TXLNA: variants seen among roughly 807,000 people sequenced by gnomAD.
The protein encoded by TXLNA is taxilin alpha, also known as alpha-taxilin.
In TXLNA, 9 loss-of-function variants were observed where a neutral mutation model predicts 61.4. The observed-to-expected ratio is 0.15, with a 90% confidence interval of 0.09 to 0.26. The LOEUF (loss-of-function observed/expected upper bound fraction) is 0.26, where lower values mean the gene tolerates loss of function less well. Among genes scored for constraint, TXLNA ranks in the 10% least tolerant of loss-of-function variants. The probability of loss-of-function intolerance (pLI) is 1.00; values close to 1 mark genes in which losing one functional copy is unlikely to be tolerated. For missense variants in TXLNA, 565 were observed against 688.8 expected, an observed-to-expected ratio of 0.82 and a Z score of 2.01; for synonymous variants, 257 against 267.7, an observed-to-expected ratio of 0.96 and a Z score of 0.39.
intron 2 of TXLNA, 46 bp downstream of exon 2, chr1:32,180,560 G>A (rs981033831): frequency 1.3e-6 from 2 of 1,542,792 alleles, no homozygotes; most frequent in East Asian, 2.4e-5. Flanking sequence ...GAGGAGCTGT[G>A]GGGTCGGCCT....
In TXLNA at chr1:32,192,190, G is replaced by A. The variant is rs1431998924; in HGVS notation, c.964-121G>A. ...GGGCCCATGTTGTGTGGTACACATG[G>A]GAGTCCATCATATCAGATTGAGATG... On this transcript the variant is annotated intron_variant, in intron 6 of 10. Transcript: ENST00000373610. The surrounding 1 kb of genome is among the most constrained non-coding windows in gnomAD (Gnocchi z 4.2). 14 of 1,430,306 alleles carry A rather than the reference G, an allele frequency of 9.8e-6. No homozygotes were observed. Among genetic ancestry groups the A allele is most frequent in the African/African-American group, 1.4e-5 (1 of 70,382 alleles). 88.6% of individuals were successfully genotyped at this position (1,430,306 alleles called of 1,614,324 possible).
At position 32,194,084 on chromosome 1, in the gene TXLNA, A is replaced by C; in HGVS notation, c.1271A>C (p.Lys424Thr). The change falls in exon 10 of 11, where the codon AAG (lysine) becomes ACG (threonine). Residue 424 changes from lysine (K) to threonine (T), a missense_variant. Coordinates refer to ENST00000373610, the MANE Select transcript of TXLNA (RefSeq NM_175852.4). ...EMEKMTKKIK[K>T]LEKETTMYRS... ...ACCTAGATGACTAAGAAGATCAAGAAGCTGGAGAAAGAAACCACCATGTAC... is the reference window on the plus strand; with the variant it reads ...ACCTAGATGACTAAGAAGATCAAGACGCTGGAGAAAGAAACCACCATGTAC... 6.2e-7 allele frequency: 1 copy of C among 1,613,648 alleles called. No homozygotes were observed. The highest frequency in any genetic ancestry group is 8.5e-7 in the Non-Finnish European group (1 of 1,179,784).
chr1:32,186,367 G>A lies in TXLNA; in HGVS notation c.598-1587G>A, dbSNP rs1413753717. ...TGCCCCTGATTCTCTAGTTTCTTCT[G>A]TGTTTTGAGATTTGATGAGAACGAT... On this transcript the variant is annotated intron_variant, in intron 4 of 10. Coordinates refer to ENST00000373610, the MANE Select transcript of TXLNA (RefSeq NM_175852.4). 2.6e-5 allele frequency among the ~76,000 whole-genome samples: 4 copies of A among 152,184 alleles called. No homozygotes were observed. The East Asian group carries it at 5.8e-4, about 22-fold the overall frequency.
intron 4 of TXLNA, among the ~76,000 whole-genome samples, chr1:32,185,514 T>TC (rs1185646535): frequency 4.0e-5 from 6 of 150,642 alleles, no homozygotes; most frequent in African/African-American, 1.5e-4. Flanking sequence ...TGCCTCAGCC[T>TC]CCCGAGTAGC....
At position 32,188,985 on chromosome 1, in the gene TXLNA, A is replaced by G. The variant is rs529633562; in HGVS notation, c.768+861A>G. On this transcript the variant is annotated intron_variant, in intron 5 of 10. Coordinates refer to ENST00000373610, the MANE Select transcript of TXLNA (RefSeq NM_175852.4). ...TTCTTTTTTATATGTAAAATCTTAC[A>G]TGTAGTTTTTAGAATGAAATTATTA... Among the ~76,000 whole-genome samples the G allele has an allele frequency of 3.3e-5, 5 of 152,160 alleles. No homozygotes were observed. The East Asian group carries it at 7.7e-4, about 23-fold the overall frequency.
chr1:32,187,408 G>A (rs2124147573), intron 4 of TXLNA, among the ~76,000 whole-genome samples: 1 of 152,310 alleles, frequency 6.6e-6, no homozygotes, highest in Admixed American at 6.5e-5. Flanking sequence ...GGGGAAAGGA[G>A]TGGGTTTGTG....
At chr1:32,190,773 C>G (rs1642888441) in intron 6 of TXLNA, among the ~76,000 whole-genome samples, 1 of 152,114 alleles carries the variant, frequency 6.6e-6, no homozygotes, top group African/African-American at 2.4e-5. Flanking sequence ...TCCACTGATT[C>G]CTTGCTGCTC....
At chr1:32,194,460 C>T (rs1642971075) in intron 10 of TXLNA, among the ~76,000 whole-genome samples, 2 of 152,208 alleles carry the variant, frequency 1.3e-5, no homozygotes, top group Admixed American at 6.5e-5. Context: ...TTTGTGATTT[C>T]ACAGCTTGTA....
At chr1:32,180,205 G>A in intron 1 of TXLNA, 109 bp from the exon 2 acceptor site, 2 of 1,210,214 alleles carry the variant, frequency 1.7e-6, no homozygotes, top group South Asian at 3.4e-5. Flanking sequence ...GCCCGGGCCT[G>A]CCGGTCCGTT....
Position 32,192,549 on chromosome 1 carries a change from T to G in TXLNA, c.1084-108T>G. 6.3e-7 allele frequency: 1 copy of G among 1,589,682 alleles called. No individual in the cohort carries two copies. Among genetic ancestry groups the G allele is most frequent in the Non-Finnish European group, 8.6e-7 (1 of 1,161,878 alleles). ...CCAGACCAGGCACAGATTCCTTGAG[T>G]ACCAGTCTGAGAGCAGGAAGCCTCA... On this transcript the variant is annotated intron_variant, in intron 7 of 10. Coordinates refer to ENST00000373610, the MANE Select transcript of TXLNA (RefSeq NM_175852.4). This position sits in a 1 kb window ranked among gnomAD's most constrained non-coding sequence, Gnocchi z 4.2.
At position 32,197,558 on chromosome 1, in the gene TXLNA, C is replaced by G. The variant is rs1421403572; in HGVS notation, c.*2363C>G. ...TTCTGCTTTCCAAAGTAGCCCAGGTCCTGGGCCAGATGCAGGGGAGGTGCC... is the reference window on the plus strand; with the variant it reads ...TTCTGCTTTCCAAAGTAGCCCAGGTGCTGGGCCAGATGCAGGGGAGGTGCC... On this transcript the variant is annotated 3_prime_UTR_variant, in exon 11 of 11. Transcript: ENST00000373610. The surrounding 1 kb of genome is among the most constrained non-coding windows in gnomAD (Gnocchi z 4.6). 2 of 152,314 alleles carry G rather than the reference C, an allele frequency of 1.3e-5. No homozygotes were observed. Among genetic ancestry groups the G allele is most frequent in the Non-Finnish European group, 2.9e-5 (2 of 68,086 alleles). The allele number at this position is 152,314 out of a possible 1,614,324, so 9.4% of individuals were successfully genotyped here.
At position 32,192,316 on chromosome 1, in the gene TXLNA, C is replaced by T. The variant is rs140788218; in HGVS notation, c.969C>T (p.Ile323=). 12 of 1,613,926 alleles carry T rather than the reference C, an allele frequency of 7.4e-6. No homozygotes were observed. Among genetic ancestry groups the T allele is most frequent in the South Asian group, 5.5e-5 (5 of 91,048 alleles). The change falls in exon 7 of 11, where the codon ATC becomes ATT. Residue 323 remains isoleucine (I), a synonymous_variant. Coordinates refer to ENST00000373610, the MANE Select transcript of TXLNA (RefSeq NM_175852.4). This position sits in a 1 kb window ranked among gnomAD's most constrained non-coding sequence, Gnocchi z 4.2. ...TCCCACCATCTTTGTTGCAGCATAT[C>T]GACAAAGTCTTCAAACACAAGGACC... The part of the protein sequence containing the change: ...IEQYELREEH[I]DKVFKHKDLQ...
chr1:32,180,288 A>G, intron 1 of TXLNA, 26 bp from the exon 2 acceptor site: 1 of 1,528,228 alleles, frequency 6.5e-7, no homozygotes, highest in South Asian at 1.3e-5. Flanking sequence ...AAGTCTGGAA[A>G]ATAGCAACTG....
intron 6 of TXLNA, among the ~76,000 whole-genome samples, chr1:32,191,339 T>A (rs1450124038): frequency 6.6e-6 from 1 of 152,140 alleles, no homozygotes. Flanking sequence ...CCTCTTAGGT[T>A]CATAGGCCAA....
At chr1:32,187,911 G>T (rs927943947) in intron 4 of TXLNA, 43 bp from the exon 5 acceptor site, 2 of 1,597,076 alleles carry the variant, frequency 1.3e-6, no homozygotes, top group Non-Finnish European at 1.7e-6. Context: ...CACCAGGAAG[G>T]CCCCACAAGA....
chr1:32,182,490 C>T (rs959885521), intron 3 of TXLNA, among the ~76,000 whole-genome samples: 27 of 151,562 alleles, frequency 1.8e-4, no homozygotes, highest in African/African-American at 4.9e-4. Context: ...GATGAAATCC[C>T]GTCTCTACTA....
intron 4 of TXLNA, among the ~76,000 whole-genome samples, chr1:32,187,318 A>G (rs1642809407): frequency 6.6e-6 from 1 of 152,186 alleles, no homozygotes; most frequent in Non-Finnish European, 1.5e-5. Flanking sequence ...GGCCAGTAGA[A>G]TATTTTTAAT....
chr1:32,187,832 G>A, intron 4 of TXLNA, 122 bp from the exon 5 acceptor site: 1 of 1,051,292 alleles, frequency 9.5e-7, no homozygotes. Flanking sequence ...GCCCATGAGA[G>A]TGCTCCTGGC....
chr1:32,180,041 C>T (rs1642617826), intron 1 of TXLNA: 1 of 231,208 alleles, frequency 4.3e-6, no homozygotes, highest in Non-Finnish European at 8.5e-6. Flanking sequence ...ATCCCGCGCC[C>T]GGCCTGCCGC....
Sources: allele counts gnomAD v4.1 joint callset (sites outside exome capture counted in the v4.1 genomes callset), GRCh38; gene constraint gnomAD v4.1.1; non-coding constraint Gnocchi (gnomAD v3.1); transcripts MANE v1.5; gene names NCBI Gene and HGNC (gene_info 2026-07-23, HGNC 2026-07-21).